STK4: variants seen among roughly 807,000 people sequenced by gnomAD.
The protein encoded by STK4 is serine/threonine-protein kinase 4.
Under a neutral mutation model 64.9 loss-of-function variants are expected in STK4, and 30 were observed. That is an observed-to-expected ratio of 0.46 (90% confidence interval 0.35 to 0.63). The LOEUF (loss-of-function observed/expected upper bound fraction) is 0.63. Among genes scored for constraint, STK4 ranks in the 20% least tolerant of loss-of-function variants. STK4 has a pLI of 0.01. For missense variants in STK4, 466 were observed against 598.5 expected (o/e 0.78, Z 2.31); for synonymous variants, 177 against 199.0 (o/e 0.89, Z 0.93).
chr20:45,053,503 G>T (rs368776638), intron 10 of STK4, among the ~76,000 whole-genome samples: 31 of 152,096 alleles, frequency 2.0e-4, no homozygotes, highest in African/African-American at 7.0e-4. Context: ...TCAACTACAT[G>T]GTGAGAAAAA....
intron 10 of STK4, among the ~76,000 whole-genome samples, chr20:45,045,817 G>GT (rs1414627946): frequency 6.6e-6 from 1 of 151,104 alleles, no homozygotes; most frequent in Non-Finnish European, 1.5e-5. Flanking sequence ...TTGTTCGTTT[G>GT]TTTTTTTGAG....
At chr20:44,988,613 A>G (rs1404496050) in intron 5 of STK4, among the ~76,000 whole-genome samples, 2 of 147,064 alleles carry the variant, frequency 1.4e-5, no homozygotes, top group East Asian at 4.1e-4. Flanking sequence ...TGATTACCCA[A>G]TAATGACTTA....
At chr20:45,003,199 G>C (rs2067872517) in intron 9 of STK4, among the ~76,000 whole-genome samples, 1 of 152,004 alleles carries the variant, frequency 6.6e-6, no homozygotes, top group Non-Finnish European at 1.5e-5. Context: ...ACAGGGTCTT[G>C]CTATGATGCC....
intron 9 of STK4, among the ~76,000 whole-genome samples, chr20:45,013,204 T>A (rs2068085609): frequency 6.6e-6 from 1 of 152,056 alleles, no homozygotes; most frequent in Non-Finnish European, 1.5e-5. Flanking sequence ...TGGGATTTTT[T>A]ACCATGGAGT....
chr20:45,077,942 C>T lies in STK4; in HGVS notation c.*2766C>T, dbSNP rs1980641441. The T allele has an allele frequency of 6.6e-6, 1 of 152,156 alleles. No individual in the cohort carries two copies. Among genetic ancestry groups the T allele is most frequent in the Non-Finnish European group, 1.5e-5 (1 of 68,042 alleles). 9.4% of individuals were successfully genotyped at this position (152,156 alleles called of 1,614,324 possible). A position where few individuals can be genotyped will look rare whatever the true frequency, so the allele number is the denominator to read the frequency against. ...GGCCAGAAGTCAATTTGTTTTGGATCAGAGAAATTTCCTGACAAGGTATAT... is the reference window on the plus strand; with the variant it reads ...GGCCAGAAGTCAATTTGTTTTGGATTAGAGAAATTTCCTGACAAGGTATAT... On this transcript the variant is annotated 3_prime_UTR_variant, in exon 11 of 11. Transcript: ENST00000372806.
chr20:45,009,407 G>A (rs954364733), intron 9 of STK4, among the ~76,000 whole-genome samples: 2 of 152,102 alleles, frequency 1.3e-5, no homozygotes, highest in African/African-American at 2.4e-5. Flanking sequence ...GTCTGTTGTT[G>A]TACCAGTACA....
intron 10 of STK4, among the ~76,000 whole-genome samples, chr20:45,045,520 G>C (rs185565771): frequency 1.7e-3 from 252 of 152,294 alleles, no homozygotes; most frequent in Non-Finnish European, 2.0e-3. Flanking sequence ...AATAACATGT[G>C]ATAGGGACTA....
At chr20:45,039,185 T>C (rs987115866) in intron 10 of STK4, among the ~76,000 whole-genome samples, 3 of 152,178 alleles carry the variant, frequency 2.0e-5, no homozygotes, top group Non-Finnish European at 2.9e-5. Flanking sequence ...TAAAATTCAT[T>C]GATGTTTTAA....
chr20:45,019,049 A>G (rs555543732), intron 9 of STK4, among the ~76,000 whole-genome samples: 1 of 152,162 alleles, frequency 6.6e-6, no homozygotes, highest in Non-Finnish European at 1.5e-5. Context: ...TTAAATTGAG[A>G]TATAATTTAT....
chr20:45,019,627 G>A (rs2068207293), intron 9 of STK4, among the ~76,000 whole-genome samples: 2 of 152,198 alleles, frequency 1.3e-5, no homozygotes, highest in African/African-American at 2.4e-5. Flanking sequence ...AGGAATTCAT[G>A]CATTTCCGGC....
intron 9 of STK4, among the ~76,000 whole-genome samples, chr20:45,015,355 C>T (rs946553066): frequency 6.6e-6 from 1 of 152,196 alleles, no homozygotes; most frequent in African/African-American, 2.4e-5. Context: ...CTGTCTTATT[C>T]TCACTGACTC....
chr20:45,013,596 G>A (rs536394119), intron 9 of STK4, among the ~76,000 whole-genome samples: 2 of 152,078 alleles, frequency 1.3e-5, no homozygotes, highest in Non-Finnish European at 1.5e-5. Context: ...TAGAATTGTG[G>A]TTGAAGAGTG....
At chr20:45,054,041 C>T (rs1293602363) in intron 10 of STK4, among the ~76,000 whole-genome samples, 5 of 151,994 alleles carry the variant, frequency 3.3e-5, no homozygotes, top group Non-Finnish European at 5.9e-5. Context: ...AGAAAGCCAC[C>T]ATCTCTTTCC....
At position 45,024,973 on chromosome 20, in the gene STK4, G is replaced by T. The variant is rs571847724; in HGVS notation, c.1148G>T (p.Arg383Ile). The change falls in exon 10 of 11, where the codon AGA (arginine) becomes ATA (isoleucine). Residue 383 changes from arginine to isoleucine, a missense_variant and splice_region_variant. This residue lies in a region of STK4 where 276 missense variants were observed against 308.9 expected (regional missense o/e 0.89). Transcript: ENST00000372806. ...ATTTTTCATTTTTCTTTGTTTTCAG[G>T]AAGGGATGAGACCATGCAGCCTGCG... ...EDEEEEGTMK[R>I]RDETMQPAKP... is the part of the protein sequence containing the mutation. 2 of 1,552,392 alleles carry T rather than the reference G, an allele frequency of 1.3e-6. No individual in the cohort carries two copies. Among genetic ancestry groups the T allele is most frequent in the East Asian group, 2.3e-5 (1 of 43,590 alleles).
chr20:45,065,229 C>T (rs1379188579), intron 10 of STK4, among the ~76,000 whole-genome samples: 2 of 150,832 alleles, frequency 1.3e-5, no homozygotes, highest in African/African-American at 2.4e-5. Context: ...GTTTTTAGTT[C>T]TGTTTATATG....
intron 10 of STK4, among the ~76,000 whole-genome samples, chr20:45,054,734 A>T (rs1431285200): frequency 1.3e-5 from 2 of 152,168 alleles, no homozygotes; most frequent in African/African-American, 4.8e-5. Context: ...TAATAATTAT[A>T]GCTGTAAGAT....
chr20:45,027,578 G>A (rs539187464), intron 10 of STK4, among the ~76,000 whole-genome samples: 1 of 152,226 alleles, frequency 6.6e-6, no homozygotes, highest in South Asian at 2.1e-4. Context: ...TCAAATCAGA[G>A]TAATTGGGAT....
chr20:45,066,515 G>A (rs950820729), intron 10 of STK4, among the ~76,000 whole-genome samples: 6 of 152,196 alleles, frequency 3.9e-5, no homozygotes, highest in Non-Finnish European at 7.3e-5. Flanking sequence ...ATCCGTGTCA[G>A]AGGTCTTGTC....
At chr20:45,014,739 A>T (rs1022256656) in intron 9 of STK4, among the ~76,000 whole-genome samples, 6 of 152,128 alleles carry the variant, frequency 3.9e-5, no homozygotes, top group Non-Finnish European at 7.4e-5. Flanking sequence ...CTCAGGATTC[A>T]TTGGCGATAA....
Sources: allele counts gnomAD v4.1 joint callset (sites outside exome capture counted in the v4.1 genomes callset), GRCh38; gene constraint gnomAD v4.1.1; regional missense constraint gnomAD v4.1.1; transcripts MANE v1.5; gene names NCBI Gene and HGNC (gene_info 2026-07-23, HGNC 2026-07-21).